DLGAP1: variants seen among roughly 807,000 people sequenced by gnomAD.
DLGAP1 encodes disks large-associated protein 1.
A neutral mutation model predicts 90.8 loss-of-function variants in DLGAP1; 11 were observed. The ratio of observed to expected loss-of-function variants is 0.12; its 90% CI spans 0.08 to 0.20. The LOEUF (loss-of-function observed/expected upper bound fraction) is 0.20, where lower values mean the gene tolerates loss of function less well. Among genes scored for constraint, DLGAP1 ranks in the 10% least tolerant of loss-of-function variants. The pLI, the probability that DLGAP1 is intolerant of heterozygous loss-of-function variation, is 1.00. For synonymous variants in DLGAP1, 558 were observed against 540.7 expected (o/e 1.03, Z -0.44); for missense variants, 1,050 against 1,333.8 (o/e 0.79, Z 3.31).
intron 1 of DLGAP1, among the ~76,000 whole-genome samples, chr18:4,392,619 T>C (rs1192088064): frequency 6.6e-6 from 1 of 152,194 alleles, no homozygotes; most frequent in Non-Finnish European, 1.5e-5. Context: ...TAAAGGCTCA[T>C]ATAAGACAGG....
At chr18:4,087,345 G>A (rs545070584) in intron 2 of DLGAP1, among the ~76,000 whole-genome samples, 13 of 152,176 alleles carry the variant, frequency 8.5e-5, no homozygotes, top group African/African-American at 2.4e-5. Context: ...TTACCAGAAT[G>A]AGGGCAAGGA....
At chr18:3,857,035 T>C (rs1328848259) in intron 4 of DLGAP1, among the ~76,000 whole-genome samples, 3 of 152,142 alleles carry the variant, frequency 2.0e-5, no homozygotes, top group Admixed American at 6.5e-5. Flanking sequence ...CTTCAGTATG[T>C]AGTATGAAGA....
At chr18:4,368,304 T>G (rs1426312788) in intron 1 of DLGAP1, among the ~76,000 whole-genome samples, 3 of 152,212 alleles carry the variant, frequency 2.0e-5, no homozygotes, top group Non-Finnish European at 2.9e-5. Flanking sequence ...TCACCTTGGC[T>G]GGACCACAGT....
At chr18:3,658,586 A>G (rs1458751300) in intron 7 of DLGAP1, among the ~76,000 whole-genome samples, 2 of 152,252 alleles carry the variant, frequency 1.3e-5, no homozygotes, top group Non-Finnish European at 2.9e-5. Flanking sequence ...CTATACATAC[A>G]TCACCTTAGA....
intron 10 of DLGAP1, among the ~76,000 whole-genome samples, chr18:3,523,553 T>C (rs1424331406): frequency 6.6e-6 from 1 of 151,656 alleles, no homozygotes; most frequent in East Asian, 1.9e-4. Flanking sequence ...AATTTAAAAA[T>C]GGGCAAAGGT....
chr18:4,208,751 C>A (rs2077774623), intron 1 of DLGAP1, among the ~76,000 whole-genome samples: 1 of 150,240 alleles, frequency 6.7e-6, no homozygotes, highest in African/African-American at 2.5e-5. Flanking sequence ...AGAGAAAGAA[C>A]AGAGGGAGAG....
intron 1 of DLGAP1, among the ~76,000 whole-genome samples, chr18:4,413,388 G>T (rs1004144712): frequency 6.6e-6 from 1 of 152,158 alleles, no homozygotes; most frequent in African/African-American, 2.4e-5. Flanking sequence ...GAGAGAGATG[G>T]TCAAGGCCTG....
At chr18:4,432,959 C>T (rs978780973) in intron 1 of DLGAP1, among the ~76,000 whole-genome samples, 3 of 152,044 alleles carry the variant, frequency 2.0e-5, no homozygotes, top group Non-Finnish European at 4.4e-5. Flanking sequence ...TTAACTATAC[C>T]ACAACATTAA....
chr18:4,382,200 G>T (rs146931149), intron 1 of DLGAP1, among the ~76,000 whole-genome samples: 1 of 152,094 alleles, frequency 6.6e-6, no homozygotes. Flanking sequence ...CAGCGGAATG[G>T]CTAAGAGTCA....
At chr18:3,706,983 T>A (rs1369486145) in intron 7 of DLGAP1, among the ~76,000 whole-genome samples, 1 of 152,188 alleles carries the variant, frequency 6.6e-6, no homozygotes, top group Non-Finnish European at 1.5e-5. Context: ...AGAGAAGAAC[T>A]GAGTTCAGCA....
At chr18:3,804,153 G>T (rs6506137) in intron 5 of DLGAP1, among the ~76,000 whole-genome samples, 117,506 of 151,288 alleles carry the variant, frequency 0.78, 46,043 homozygotes, top group African/African-American at 0.88. Context: ...CCCAGCTAAT[G>T]TTTGTATTTT....
chr18:3,809,061 C>T (rs78434772), intron 5 of DLGAP1, among the ~76,000 whole-genome samples: 16,314 of 152,194 alleles, frequency 0.11, 1,064 homozygotes, highest in Admixed American at 0.16. Flanking sequence ...TCCTGGGAGA[C>T]ATTTCCTGTA....
chr18:3,772,177 C>CTT (rs1568106968), intron 5 of DLGAP1, among the ~76,000 whole-genome samples: 1,890 of 145,044 alleles, frequency 0.013, 57 homozygotes, highest in African/African-American at 0.045. Context: ...TCCTTCCTTT[C>CTT]TCTCCTTCCT....
Position 4,394,683 on chromosome 18 carries a change from T to C in DLGAP1, c.-267+60323A>G, listed in dbSNP as rs113305895. Among the ~76,000 whole-genome samples, 3 of 152,344 alleles carry C rather than the reference T, an allele frequency of 2.0e-5. No homozygotes were observed. The South Asian group carries it at 6.2e-4, about 32-fold the overall frequency. On this transcript the variant is annotated intron_variant, in intron 1 of 12. Transcript: ENST00000315677. The stretch of plus-strand genomic sequence containing the variant: ...ATCTTCTTTGTAATACAAATTCCTA[T>C]GCCAGTGTATCAGATAATTAATTTT...
chr18:4,168,326 A>G (rs1321169833), intron 1 of DLGAP1, among the ~76,000 whole-genome samples: 1 of 152,232 alleles, frequency 6.6e-6, no homozygotes, highest in Non-Finnish European at 1.5e-5. Flanking sequence ...CACAAAAGCA[A>G]TTCAATGGAA....
intron 5 of DLGAP1, among the ~76,000 whole-genome samples, chr18:3,810,794 G>A (rs1159022040): frequency 6.6e-6 from 1 of 151,878 alleles, no homozygotes; most frequent in Non-Finnish European, 1.5e-5. Context: ...CTTTCAATCT[G>A]GTTAAACTAT....
At chr18:4,123,732 C>T (rs944341782) in intron 2 of DLGAP1, among the ~76,000 whole-genome samples, 1 of 151,960 alleles carries the variant, frequency 6.6e-6, no homozygotes, top group Non-Finnish European at 1.5e-5. Flanking sequence ...CCCTCCTCTC[C>T]CTTCCTCAGG....
chr18:3,905,190 AC>A (rs894099796), intron 3 of DLGAP1, among the ~76,000 whole-genome samples: 21 of 151,076 alleles, frequency 1.4e-4, no homozygotes, highest in Admixed American at 4.0e-4. Context: ...ACACAGTGAA[AC>A]CCCATCTCTA....
chr18:3,674,291 A>AT (rs529210380), intron 7 of DLGAP1, among the ~76,000 whole-genome samples: 1,146 of 98,180 alleles, frequency 0.012, 26 homozygotes, highest in African/African-American at 0.079. Context: ...TCTCTATAAT[A>AT]TTAAAATATA....
Sources: gnomAD v4.1 joint callset for allele counts (sites outside exome capture counted in the v4.1 genomes callset) on GRCh38, gnomAD v4.1.1 for gene constraint, MANE v1.5 for transcripts, NCBI Gene and HGNC (gene_info 2026-07-23, HGNC 2026-07-21) for gene names.